HIVEP2: variants seen among roughly 807,000 people sequenced by gnomAD.
HIVEP2 encodes HIVEP zinc finger 2, also known as transcription factor HIVEP2.
A neutral mutation model predicts 180.7 loss-of-function variants in HIVEP2; 14 were observed. The ratio of observed to expected loss-of-function variants is 0.08; its 90% CI spans 0.05 to 0.12. The LOEUF (loss-of-function observed/expected upper bound fraction) is 0.12, where lower values mean the gene tolerates loss of function less well. Ranked by LOEUF, HIVEP2 falls within the 10% of genes least tolerant of loss-of-function variation. The pLI, the probability that HIVEP2 is intolerant of heterozygous loss-of-function variation, is 1.00. For missense variants in HIVEP2, 2,579 were observed against 3,008.5 expected, an observed-to-expected ratio of 0.86 and a Z score of 3.34; for synonymous variants, 1,184 against 1,136.4, an observed-to-expected ratio of 1.04 and a Z score of -0.84.
chr6:142,777,854 T>C (rs1245743691), intron 3 of HIVEP2, among the ~76,000 whole-genome samples: 4 of 152,196 alleles, frequency 2.6e-5, no homozygotes, highest in Non-Finnish European at 5.9e-5. Context: ...GCAGATGTAC[T>C]GCAGATTCCT....
chr6:142,764,546 T>C (rs936434862), intron 7 of HIVEP2, among the ~76,000 whole-genome samples: 1 of 152,182 alleles, frequency 6.6e-6, no homozygotes, highest in African/African-American at 2.4e-5. Flanking sequence ...ATCCAGACAA[T>C]TTGTAGCCAC....
chr6:142,846,359 A>T, intron 1 of HIVEP2, among the ~76,000 whole-genome samples: 1 of 152,186 alleles, frequency 6.6e-6, no homozygotes. Context: ...AGCTTAATGC[A>T]CTCTGGTCCT....
At position 142,770,757 on chromosome 6, in the gene HIVEP2, A is replaced by T; in HGVS notation, c.3982T>A (p.Ser1328Thr). The T allele has an allele frequency of 6.2e-7, 1 of 1,614,152 alleles. No individual in the cohort carries two copies. The highest frequency in any genetic ancestry group is 2.2e-5 in the East Asian group (1 of 44,882). ...FASANAGSLQ[S>T]LPGTVVPVRI... ...ACAGGAACCACTGTTCCTGGGAGGG[A>T]CTGCAAAGACCCAGCATTTGCCGAG... Residue 1328 changes from serine to threonine, a missense_variant, in exon 5 of 10, where the codon TCC (serine) becomes ACC (threonine). Ser to Thr is a moderately conservative substitution (Grantham distance 58). Around this residue, in one of 11 missense-constraint regions of HIVEP2, gnomAD observed 523 missense variants for 577.0 expected, o/e 0.91. Coordinates refer to ENST00000367603, the MANE Select transcript of HIVEP2 (RefSeq NM_006734.4). This position sits in a 1 kb window ranked among gnomAD's most constrained non-coding sequence, Gnocchi z 4.7.
chr6:142,859,496 C>T (rs1360848738), intron 1 of HIVEP2, among the ~76,000 whole-genome samples: 1 of 150,168 alleles, frequency 6.7e-6, no homozygotes, highest in East Asian at 2.0e-4. Context: ...GAAAAGAATC[C>T]ACATAAGCTT....
chr6:142,824,673 C>T (rs559242685), intron 2 of HIVEP2, among the ~76,000 whole-genome samples: 10 of 152,276 alleles, frequency 6.6e-5, no homozygotes, highest in African/African-American at 2.2e-4. Context: ...CCTAATACCT[C>T]GTAGCCGTGT....
chr6:142,864,342 C>T (rs796183495), intron 1 of HIVEP2, among the ~76,000 whole-genome samples: 9 of 152,230 alleles, frequency 5.9e-5, no homozygotes, highest in African/African-American at 1.9e-4. Flanking sequence ...AAGTGCTGCT[C>T]TCACAATAGC....
rs767057386 is a variant in HIVEP2, at chr6:142,773,367, G to A, written c.1372C>T (p.Pro458Ser). The A allele has an allele frequency of 6.2e-7, 1 of 1,614,016 alleles. No individual in the cohort carries two copies. The highest frequency in any genetic ancestry group is 1.3e-5 in the African/African-American group (1 of 74,886). The change falls in exon 5 of 10, where the codon CCA becomes TCA. Residue 458 changes from proline to serine, a missense_variant. By Grantham distance (74) the Pro-to-Ser change is moderately conservative. This residue lies in a region of HIVEP2 where 524 missense variants were observed against 563.6 expected (regional missense o/e 0.93). Transcript: ENST00000367603. ...AAMGRKGIMEPLPHVNTRLDV... is the reference protein window; with the variant it reads ...AAMGRKGIMESLPHVNTRLDV... ...AACCTGGTGTTAACGTGAGGTAATGGTTCCATTATGCCCTTCCTACCCATT... is the reference window on the plus strand; with the variant it reads ...AACCTGGTGTTAACGTGAGGTAATGATTCCATTATGCCCTTCCTACCCATT...
rs534339136 is a variant in HIVEP2, at chr6:142,787,601, T to C, written c.-527-3986A>G. Among the ~76,000 whole-genome samples, 69 of 148,792 alleles carry C rather than the reference T, an allele frequency of 4.6e-4. 1 individual carries two copies. Among genetic ancestry groups the C allele is most frequent in the African/African-American group, 1.5e-3 (59 of 40,580 alleles). On this transcript the variant is annotated intron_variant, in intron 2 of 9. Coordinates refer to ENST00000367603, the MANE Select transcript of HIVEP2 (RefSeq NM_006734.4). The stretch of plus-strand genomic sequence containing the variant: ...AAAAAAAAGACTCTAAATGGGCCCA[T>C]TGTTCCACTCTGGAGTGCGTAAAGT...
intron 1 of HIVEP2, among the ~76,000 whole-genome samples, chr6:142,859,405 G>A (rs1460621188): frequency 1.3e-5 from 2 of 150,862 alleles, no homozygotes; most frequent in Non-Finnish European, 2.9e-5. Flanking sequence ...GGGCTGCAGT[G>A]AGCTATGATC....
intron 2 of HIVEP2, among the ~76,000 whole-genome samples, chr6:142,803,453 A>G (rs368491997): frequency 7.2e-5 from 11 of 152,202 alleles, no homozygotes; most frequent in African/African-American, 2.2e-4. Context: ...TTTCACCTAC[A>G]CTACGTGGGT....
At chr6:142,885,834 A>G (rs1029463029) in intron 1 of HIVEP2, among the ~76,000 whole-genome samples, 1 of 151,736 alleles carries the variant, frequency 6.6e-6, no homozygotes, top group Admixed American at 6.6e-5. Context: ...AGTACCACCA[A>G]CTATCTTATA....
At chr6:142,926,466 G>C (rs1012670586) in intron 1 of HIVEP2, among the ~76,000 whole-genome samples, 11 of 152,258 alleles carry the variant, frequency 7.2e-5, no homozygotes, top group Non-Finnish European at 1.6e-4. Context: ...AAAGGTGGCA[G>C]TTAGAGGGAG....
intron 1 of HIVEP2, among the ~76,000 whole-genome samples, chr6:142,898,013 C>T (rs929787407): frequency 3.9e-5 from 6 of 152,170 alleles, no homozygotes; most frequent in Non-Finnish European, 7.3e-5. Flanking sequence ...GAGCATGGCA[C>T]CTCAGCCCCA....
At chr6:142,779,181 C>G (rs1363533700) in intron 3 of HIVEP2, among the ~76,000 whole-genome samples, 2 of 152,060 alleles carry the variant, frequency 1.3e-5, no homozygotes, top group African/African-American at 2.4e-5. Context: ...TCCTCTGGGC[C>G]CTGCTTCCCA....
Position 142,753,393 on chromosome 6 carries a change from G to A in HIVEP2, c.7055C>T (p.Ala2352Val), listed in dbSNP as rs1322890643. ...EAALLGPDQP[A>V]RVQEPHQNPL... ...GTTCTGGTGGGGCTCCTGCACCCGC[G>A]CTGGCTGATCTGGCCCGAGCAGAGC... The change falls in exon 10 of 10, where the codon GCG (alanine) becomes GTG (valine). Residue 2352 changes from alanine (A) to valine (V), a missense_variant. Coordinates refer to ENST00000367603, the MANE Select transcript of HIVEP2 (RefSeq NM_006734.4). 6.2e-7 allele frequency: 1 copy of A among 1,613,904 alleles called. No homozygotes were observed.
At chr6:142,880,360 A>G (rs556853042) in intron 1 of HIVEP2, among the ~76,000 whole-genome samples, 1 of 152,214 alleles carries the variant, frequency 6.6e-6, no homozygotes, top group East Asian at 1.9e-4. Context: ...ATTGACTCCA[A>G]TGAGAAGGAA....
At chr6:142,828,095 T>C (rs1329396541) in intron 2 of HIVEP2, among the ~76,000 whole-genome samples, 1 of 152,198 alleles carries the variant, frequency 6.6e-6, no homozygotes, top group Non-Finnish European at 1.5e-5. Flanking sequence ...ACATTGGTGA[T>C]GACTTTGCGG....
intron 2 of HIVEP2, among the ~76,000 whole-genome samples, chr6:142,826,116 T>C (rs1774893705): frequency 6.6e-6 from 1 of 152,214 alleles, no homozygotes; most frequent in Non-Finnish European, 1.5e-5. Context: ...ATCATATATC[T>C]GATTTAGAAA....
rs199890511 is a variant in HIVEP2 at position 142,772,278 on chromosome 6, C to T, written c.2461G>A (p.Glu821Lys). 4.3e-6 allele frequency: 7 copies of T among 1,614,098 alleles called. No homozygotes were observed. The highest frequency in any genetic ancestry group is 5.9e-6 in the Non-Finnish European group (7 of 1,180,056). Residue 821 changes from glutamate (E) to lysine (K), a missense_variant, in exon 5 of 10, where the codon GAA becomes AAA. This residue lies in a region of HIVEP2 where 524 missense variants were observed against 563.6 expected (regional missense o/e 0.93). Coordinates refer to ENST00000367603, the MANE Select transcript of HIVEP2 (RefSeq NM_006734.4). The surrounding 1 kb of genome is among the most constrained non-coding windows in gnomAD (Gnocchi z 4.9). ...PNSFERSESA[E>K]LVACTQDKAP... is the part of the protein sequence containing the mutation. ...TTATCCTGTGTGCAAGCCACAAGTT[C>T]GGCTGACTCAGACCTTTCAAATGAA...
Sources: allele counts gnomAD v4.1 joint callset (sites outside exome capture counted in the v4.1 genomes callset), GRCh38; gene constraint gnomAD v4.1.1; regional missense constraint gnomAD v4.1.1; non-coding constraint Gnocchi (gnomAD v3.1); transcripts MANE v1.5; gene names NCBI Gene and HGNC (gene_info 2026-07-23, HGNC 2026-07-21).